Variants in LRRC4C observed in about 807,000 individuals in gnomAD.
LRRC4C encodes leucine-rich repeat-containing protein 4C.
LRRC4C carries 5 observed loss-of-function variants against 33.6 expected under a neutral mutation model. That is an observed-to-expected ratio of 0.15 (90% CI 0.08 to 0.31). The LOEUF (loss-of-function observed/expected upper bound fraction) is 0.31. Ranked by LOEUF, LRRC4C falls within the 10% of genes least tolerant of loss-of-function variation. LRRC4C has a pLI of 1.00. For missense variants in LRRC4C, 560 were observed against 796.7 expected (o/e 0.70, Z 3.58); for synonymous variants, 329 against 302.0 (o/e 1.09, Z -0.93).
At chr11:40,599,726 AAATG>A (rs1284498206) in intron 3 of LRRC4C, among the ~76,000 whole-genome samples, 1 of 152,224 alleles carries the variant, frequency 6.6e-6, no homozygotes, top group Admixed American at 6.5e-5. Flanking sequence ...TTGGAATAAT[AAATG>A]AATGAAGGAA....
intron 1 of LRRC4C, among the ~76,000 whole-genome samples, chr11:40,948,299 C>G (rs368946185): frequency 1.3e-5 from 2 of 152,046 alleles, no homozygotes; most frequent in African/African-American, 2.4e-5. Context: ...ACATAGAGTT[C>G]GTGGGTTTTA....
chr11:41,345,101 G>T (rs1168567568), intron 1 of LRRC4C, among the ~76,000 whole-genome samples: 1 of 152,120 alleles, frequency 6.6e-6, no homozygotes, highest in African/African-American at 2.4e-5. Context: ...TAGTTATGAT[G>T]AAAATTCTGG....
chr11:40,981,287 G>T (rs760139695), intron 1 of LRRC4C, among the ~76,000 whole-genome samples: 1 of 152,122 alleles, frequency 6.6e-6, no homozygotes, highest in African/African-American at 2.4e-5. Context: ...GGTGGTGTGC[G>T]CCTGTAGTCC....
rs192622430 is a variant in LRRC4C, at chr11:41,267,880, G to A, written c.-496+191551C>T. 2.2e-3 allele frequency among the ~76,000 whole-genome samples: 332 copies of A among 152,064 alleles called. 3 individuals are homozygous for A. Among genetic ancestry groups the A allele is most frequent in the African/African-American group, 7.9e-3 (327 of 41,500 alleles). ...GTAAGTAAATAATTTTAGCTTTTTT[G>A]TTTAGTATGAGGAGTAATAATAGAG... On this transcript the variant is annotated intron_variant, in intron 1 of 6. Coordinates refer to ENST00000528697, the MANE Select transcript of LRRC4C (RefSeq NM_001258419.2).
chr11:41,370,079 C>T (rs1294554655), intron 1 of LRRC4C, among the ~76,000 whole-genome samples: 5 of 152,172 alleles, frequency 3.3e-5, no homozygotes, highest in African/African-American at 1.2e-4. Flanking sequence ...ATATCACATG[C>T]ATTAACATAG....
chr11:40,921,742 T>G (rs1434786997), intron 2 of LRRC4C, among the ~76,000 whole-genome samples: 1 of 152,202 alleles, frequency 6.6e-6, no homozygotes, highest in Non-Finnish European at 1.5e-5. Flanking sequence ...ACATTTATCT[T>G]TTCTTTGTGT....
chr11:40,768,711 T>C (rs561946165), intron 2 of LRRC4C, among the ~76,000 whole-genome samples: 1 of 152,218 alleles, frequency 6.6e-6, no homozygotes, highest in East Asian at 1.9e-4. Context: ...TGTGATACAT[T>C]GTATTAACAG....
chr11:40,733,758 C>T (rs1241293916), intron 2 of LRRC4C, among the ~76,000 whole-genome samples: 1 of 152,128 alleles, frequency 6.6e-6, no homozygotes, highest in Non-Finnish European at 1.5e-5. Flanking sequence ...GACTTAGTTA[C>T]AGAAAAGTTA....
chr11:40,582,576 G>A (rs972120563), intron 3 of LRRC4C, among the ~76,000 whole-genome samples: 6 of 146,384 alleles, frequency 4.1e-5, no homozygotes, highest in African/African-American at 1.5e-4. Context: ...GAGTGCAGTG[G>A]TTCAATCTTG....
At chr11:40,594,408 T>C (rs1390249429) in intron 3 of LRRC4C, among the ~76,000 whole-genome samples, 1 of 152,232 alleles carries the variant, frequency 6.6e-6, no homozygotes, top group Non-Finnish European at 1.5e-5. Context: ...GTCTAATATC[T>C]GCCAAGCTTT....
At chr11:40,989,098 C>T (rs1037649471) in intron 1 of LRRC4C, among the ~76,000 whole-genome samples, 4 of 152,144 alleles carry the variant, frequency 2.6e-5, no homozygotes, top group African/African-American at 9.7e-5. Flanking sequence ...CTCTGCCACA[C>T]CTTCCGTATA....
intron 1 of LRRC4C, among the ~76,000 whole-genome samples, chr11:41,164,948 T>C (rs1165803032): frequency 6.6e-6 from 1 of 152,150 alleles, no homozygotes; most frequent in Non-Finnish European, 1.5e-5. Flanking sequence ...CCTTGTTCCT[T>C]GCTCTCCCAG....
At chr11:40,422,463 A>G (rs113704260) in intron 3 of LRRC4C, among the ~76,000 whole-genome samples, 2,946 of 152,312 alleles carry the variant, frequency 0.019, 56 homozygotes, top group Admixed American at 0.058. Flanking sequence ...TTAAACTCCA[A>G]AAACCACTTA....
intron 3 of LRRC4C, among the ~76,000 whole-genome samples, chr11:40,614,450 G>A (rs1961554576): frequency 1.6e-5 from 1 of 61,656 alleles, no homozygotes; most frequent in South Asian, 4.6e-4. Context: ...GAATGTTGTG[G>A]CTGGTTTGAT....
intron 1 of LRRC4C, among the ~76,000 whole-genome samples, chr11:41,294,030 T>G (rs557067381): frequency 6.6e-6 from 1 of 152,298 alleles, no homozygotes; most frequent in African/African-American, 2.4e-5. Flanking sequence ...TTTTATATCC[T>G]TGATGCACTC....
At chr11:40,373,061 T>C (rs1403796547) in intron 3 of LRRC4C, among the ~76,000 whole-genome samples, 2 of 152,172 alleles carry the variant, frequency 1.3e-5, no homozygotes, top group Non-Finnish European at 2.9e-5. Flanking sequence ...ATTTCTGACA[T>C]TTTTAATAAA....
intron 1 of LRRC4C, among the ~76,000 whole-genome samples, chr11:41,019,093 G>A (rs11036192): frequency 0.22 from 33,297 of 151,878 alleles, 3,832 homozygotes; most frequent in African/African-American, 0.27. Flanking sequence ...TGTGCAGAAT[G>A]TGCAGGTTTG....
intron 1 of LRRC4C, among the ~76,000 whole-genome samples, chr11:41,205,430 GA>G (rs1286777790): frequency 6.6e-6 from 1 of 152,182 alleles, no homozygotes; most frequent in Non-Finnish European, 1.5e-5. Context: ...GTGGCTTGTA[GA>G]AGGTCATTGT....
chr11:40,475,614 T>C lies in LRRC4C; in HGVS notation c.-269-155893A>G, dbSNP rs188864106. Among the ~76,000 whole-genome samples, 599 of 152,054 alleles carry C rather than the reference T, an allele frequency of 3.9e-3. 2 individuals are homozygous for C. The highest frequency in any genetic ancestry group is 0.014 in the African/African-American group (579 of 41,498). Reference sequence around the variant, plus strand: ...TTAAGTATAATAATAATAATAAAAATCCAAGTTAAGGACTAGTTTAACATC... The same window carrying C: ...TTAAGTATAATAATAATAATAAAAACCCAAGTTAAGGACTAGTTTAACATC... On this transcript the variant is annotated intron_variant, in intron 3 of 6. Coordinates refer to ENST00000528697, the MANE Select transcript of LRRC4C (RefSeq NM_001258419.2).
Sources: gnomAD v4.1 joint callset for allele counts (sites outside exome capture counted in the v4.1 genomes callset) on GRCh38, gnomAD v4.1.1 for gene constraint, MANE v1.5 for transcripts, NCBI Gene and HGNC (gene_info 2026-07-23, HGNC 2026-07-21) for gene names.